COL11A2: variants seen among roughly 807,000 people sequenced by gnomAD.
The protein encoded by COL11A2 is collagen type XI alpha 2 chain, also known as collagen alpha-2(XI) chain.
Under a neutral mutation model 273.4 loss-of-function variants are expected in COL11A2, and 116 were observed. That is an observed-to-expected ratio of 0.42 (90% CI 0.36 to 0.49). COL11A2 has a LOEUF of 0.49. Among genes scored for constraint, COL11A2 ranks in the 20% least tolerant of loss-of-function variants. COL11A2 has a pLI of 0.00. For synonymous variants in COL11A2, 782 were observed against 864.2 expected, an observed-to-expected ratio of 0.90 and a Z score of 1.67; for missense variants, 1,866 against 2,309.0, an observed-to-expected ratio of 0.81 and a Z score of 3.93.
intron 9 of COL11A2, 22 bp downstream of exon 9, chr6:33,181,089 C>A: frequency 6.2e-7 from 1 of 1,614,150 alleles, no homozygotes; most frequent in Non-Finnish European, 8.5e-7. Flanking sequence ...ACTGCCTCAG[C>A]CCTGTGACCA....
rs1229474398 is a variant in COL11A2 at position 33,176,106 on chromosome 6, C to T, written c.2215-37G>A. ...AGAGGTGAGAGGGCACCACAGATGA[C>T]AGAGGGCTGGGGTTCTAATGGGAAT... On this transcript the variant is annotated intron_variant, in intron 28 of 65. Transcript: ENST00000341947. This position sits in a 1 kb window ranked among gnomAD's most constrained non-coding sequence, Gnocchi z 4.9. The T allele has an allele frequency of 6.2e-7, 1 of 1,612,600 alleles. No individual in the cohort carries two copies. Among genetic ancestry groups the T allele is most frequent in the African/African-American group, 1.3e-5 (1 of 74,850 alleles).
In COL11A2 at chr6:33,179,654, C is replaced by G; in HGVS notation, c.1446+65G>C. The G allele has an allele frequency of 1.9e-6, 3 of 1,583,300 alleles. No homozygotes were observed. Among genetic ancestry groups the G allele is most frequent in the Non-Finnish European group, 2.6e-6 (3 of 1,159,390 alleles). ...ACCCAGGCCTCCCCTGCCGCACACTCACTCCAGCCAACCCTTCCAGTGCCC... is the reference window on the plus strand; with the variant it reads ...ACCCAGGCCTCCCCTGCCGCACACTGACTCCAGCCAACCCTTCCAGTGCCC... On this transcript the variant is annotated intron_variant, in intron 13 of 65. Transcript: ENST00000341947. This position sits in a 1 kb window ranked among gnomAD's most constrained non-coding sequence, Gnocchi z 6.4.
At position 33,175,997 on chromosome 6, in the gene COL11A2, G is replaced by A. The variant is rs763300707; in HGVS notation, c.2268+19C>T. On this transcript the variant is annotated intron_variant, in intron 29 of 65. Coordinates refer to ENST00000341947, the MANE Select transcript of COL11A2 (RefSeq NM_080680.3). ...TCAGTAGAACACGGAATTGGGGCCA[G>A]TGTGGGGTCTCTACTCACCCTGTCA... The A allele has an allele frequency of 6.2e-7, 1 of 1,612,946 alleles. No individual in the cohort carries two copies. Among genetic ancestry groups the A allele is most frequent in the East Asian group, 2.2e-5 (1 of 44,878 alleles).
At position 33,169,077 on chromosome 6, in the gene COL11A2, G is replaced by T; in HGVS notation, c.3799-69C>A. 1 of 1,464,572 alleles carries T rather than the reference G, an allele frequency of 6.8e-7. No individual in the cohort carries two copies. Among genetic ancestry groups the T allele is most frequent in the East Asian group, 2.3e-5 (1 of 43,800 alleles). The allele number at this position is 1,464,572 out of a possible 1,614,324, so 90.7% of individuals were successfully genotyped here. ...GCCCACCCAGCACAGACGCCCACAG[G>T]CACACGCCACTGCCTCTCTAGAGGC... On this transcript the variant is annotated intron_variant, in intron 51 of 65. Transcript: ENST00000341947. The surrounding 1 kb of genome is among the most constrained non-coding windows in gnomAD (Gnocchi z 5.5).
chr6:33,171,656 C>T (rs1045920274), intron 42 of COL11A2, 57 bp downstream of exon 42: 6 of 1,596,954 alleles, frequency 3.8e-6, no homozygotes, highest in Non-Finnish European at 5.1e-6. Context: ...CATAGCCCAT[C>T]AACCCTAGGC....
intron 8 of COL11A2, among the ~76,000 whole-genome samples, chr6:33,182,449 C>T (rs570302715): frequency 3.0e-4 from 46 of 152,152 alleles, no homozygotes; most frequent in Admixed American, 6.5e-4. Flanking sequence ...CGGTGGCGCA[C>T]GCCTGTAATC....
In COL11A2 at chr6:33,186,735, C is replaced by A. The variant is rs1772467999; in HGVS notation, c.690G>T (p.Gly230=). The change falls in exon 5 of 66, where the codon GGG becomes GGT. Residue 230 remains glycine, a synonymous_variant. Transcript: ENST00000341947. The part of the protein sequence containing the change: ...SCEQKELECE[G]GQRERPQNQQ... Reference sequence around the variant, plus strand: ...GGTTTTGGGGTCTTTCCCTCTGGCCCCCCTCGCATTCCAGCTCCTTCTGTT... The same window carrying A: ...GGTTTTGGGGTCTTTCCCTCTGGCCACCCTCGCATTCCAGCTCCTTCTGTT... 4 of 1,614,070 alleles carry A rather than the reference C, an allele frequency of 2.5e-6. No individual in the cohort carries two copies. The highest frequency in any genetic ancestry group is 2.5e-6 in the Non-Finnish European group (3 of 1,180,020).
intron 8 of COL11A2, 125 bp from the exon 9 acceptor site, chr6:33,181,295 A>C (rs1771705243): frequency 1.1e-6 from 1 of 935,942 alleles, no homozygotes; most frequent in African/African-American, 1.6e-5. Context: ...CCTACCCGAA[A>C]GCCCCACAGC....
Position 33,173,291 on chromosome 6 carries a change from G to T in COL11A2, c.2736+57C>A. The T allele has an allele frequency of 4.4e-6, 7 of 1,600,674 alleles. No individual in the cohort carries two copies. Among genetic ancestry groups the T allele is most frequent in the Non-Finnish European group, 6.0e-6 (7 of 1,172,640 alleles). On this transcript the variant is annotated intron_variant, in intron 37 of 65. Coordinates refer to ENST00000341947, the MANE Select transcript of COL11A2 (RefSeq NM_080680.3). This position sits in a 1 kb window ranked among gnomAD's most constrained non-coding sequence, Gnocchi z 6.3. ...CCCTGTGGGCTTTCCAGACAGCTCTGGGGTTAAAGGGTCTGATGGAGCCCC... is the reference window on the plus strand; with the variant it reads ...CCCTGTGGGCTTTCCAGACAGCTCTTGGGTTAAAGGGTCTGATGGAGCCCC...
Position 33,172,347 on chromosome 6 carries a change from T to C in COL11A2, c.2930A>G (p.Lys977Arg). 1 of 1,589,438 alleles carries C rather than the reference T, an allele frequency of 6.3e-7. No homozygotes were observed. Among genetic ancestry groups the C allele is most frequent in the Non-Finnish European group, 8.6e-7 (1 of 1,168,796 alleles). ...TCCCCTCAGACCAGCAGGACCATCC[T>C]TCCCTGGGGCCCCAGGGGGACCAGG... ...GDPGPPGAPG[K>R]DGPAGLRGFP... Residue 977 changes from lysine to arginine, a missense_variant, in exon 40 of 66, where the codon AAG (lysine) becomes AGG (arginine). Transcript: ENST00000341947.
intron 5 of COL11A2, among the ~76,000 whole-genome samples, chr6:33,186,018 T>C (rs1434092116): frequency 2.0e-5 from 3 of 151,734 alleles, no homozygotes; most frequent in Non-Finnish European, 4.4e-5. Context: ...GATTAAGAGA[T>C]TGACCCTCTG....
rs1562338140 is a variant in COL11A2, at chr6:33,173,411, G to A, written c.2683-10C>T. On this transcript the variant is annotated splice_polypyrimidine_tract_variant and intron_variant, in intron 36 of 65. Coordinates refer to ENST00000341947, the MANE Select transcript of COL11A2 (RefSeq NM_080680.3). This position sits in a 1 kb window ranked among gnomAD's most constrained non-coding sequence, Gnocchi z 6.3. ...CCTTCCCAGGGGGGCCCTGGAAGGG[G>A]TTCAGTTGTCAGGTGAACTCTCAGC... 6.2e-7 allele frequency: 1 copy of A among 1,613,148 alleles called. No homozygotes were observed. Among genetic ancestry groups the A allele is most frequent in the Non-Finnish European group, 8.5e-7 (1 of 1,179,932 alleles).
At chr6:33,181,037 AC>A (rs1264444255) in intron 9 of COL11A2, 32 bp from the exon 10 acceptor site, 1 of 1,614,058 alleles carries the variant, frequency 6.2e-7, no homozygotes. Context: ...ATCAGAGGCG[AC>A]AGGACCAGCA....
chr6:33,169,790 T>TGATGGG lies in COL11A2; in HGVS notation c.3690+40_3690+41insCCCATC. Reference sequence around the variant, plus strand: ...AAAGTGGAGGCAGGGTTGAGGCGGGTGACGGGGACTGGGGAGTAAGGCCTT... The same window carrying TGATGGG: ...AAAGTGGAGGCAGGGTTGAGGCGGGTGATGGGGACGGGGACTGGGGAGTAAGGCCTT... On this transcript the variant is annotated intron_variant, in intron 50 of 65. Transcript: ENST00000341947. The surrounding 1 kb of genome is among the most constrained non-coding windows in gnomAD (Gnocchi z 5.5). 2 of 1,594,170 alleles carry TGATGGG rather than the reference T, an allele frequency of 1.3e-6. No homozygotes were observed. Among genetic ancestry groups the TGATGGG allele is most frequent in the Non-Finnish European group, 1.7e-6 (2 of 1,169,962 alleles).
In COL11A2 at chr6:33,186,682, G is replaced by A. The variant is rs758762435; in HGVS notation, c.743C>T (p.Pro248Leu). ...NQQPHRAQRS[P>L]QQQPSRLHRP... is the part of the protein sequence containing the mutation. Reference sequence around the variant, plus strand: ...GTGAAGTCTTGATGGTTGCTGCTGTGGAGATCTCTGGGCTCTGTGAGGCTG... The same window carrying A: ...GTGAAGTCTTGATGGTTGCTGCTGTAGAGATCTCTGGGCTCTGTGAGGCTG... Residue 248 changes from proline (P) to leucine (L), a missense_variant, in exon 5 of 66, where the codon CCA becomes CTA. Coordinates refer to ENST00000341947, the MANE Select transcript of COL11A2 (RefSeq NM_080680.3). 2.5e-6 allele frequency: 4 copies of A among 1,614,072 alleles called. No homozygotes were observed. Among genetic ancestry groups the A allele is most frequent in the Non-Finnish European group, 3.4e-6 (4 of 1,180,018 alleles).
At chr6:33,171,215 A>C (rs1770007263) in intron 44 of COL11A2, 48 bp from the exon 45 acceptor site, 1 of 1,613,386 alleles carries the variant, frequency 6.2e-7, no homozygotes. Flanking sequence ...GAGAGAGATC[A>C]GGTGGGACTG....
intron 7 of COL11A2, 60 bp downstream of exon 7, chr6:33,184,932 G>C (rs1772181796): frequency 7.2e-7 from 1 of 1,395,320 alleles, no homozygotes; most frequent in African/African-American, 1.4e-5. Flanking sequence ...ATGGGCTGAG[G>C]GGAGTGAGTC....
chr6:33,165,902 C>G lies in COL11A2; in HGVS notation c.4482+29G>C. Reference sequence around the variant, plus strand: ...CAGCAGTGGAGCAGAGGGGTACGGCCCTGGGAGCAGCCCTGACTCCTCACT... The same window carrying G: ...CAGCAGTGGAGCAGAGGGGTACGGCGCTGGGAGCAGCCCTGACTCCTCACT... On this transcript the variant is annotated intron_variant, in intron 62 of 65. Coordinates refer to ENST00000341947, the MANE Select transcript of COL11A2 (RefSeq NM_080680.3). The surrounding 1 kb of genome is among the most constrained non-coding windows in gnomAD (Gnocchi z 7.7). The G allele has an allele frequency of 6.2e-7, 1 of 1,613,618 alleles. No homozygotes were observed. Among genetic ancestry groups the G allele is most frequent in the African/African-American group, 1.3e-5 (1 of 74,932 alleles).
chr6:33,178,885 G>A lies in COL11A2; in HGVS notation c.1665+35C>T. The A allele has an allele frequency of 6.2e-7, 1 of 1,612,936 alleles. No homozygotes were observed. Among genetic ancestry groups the A allele is most frequent in the Middle Eastern group, 1.7e-4 (1 of 6,034 alleles). On this transcript the variant is annotated intron_variant, in intron 17 of 65. Coordinates refer to ENST00000341947, the MANE Select transcript of COL11A2 (RefSeq NM_080680.3). This position sits in a 1 kb window ranked among gnomAD's most constrained non-coding sequence, Gnocchi z 4.6. Reference sequence around the variant, plus strand: ...CAACTGAGCCCAGCGTGGGCTGAAGGCTACAGGCTTCAGGGAGGGGCCCAA... The same window carrying A: ...CAACTGAGCCCAGCGTGGGCTGAAGACTACAGGCTTCAGGGAGGGGCCCAA...
Sources: gnomAD v4.1 joint callset for allele counts (sites outside exome capture counted in the v4.1 genomes callset) on GRCh38, gnomAD v4.1.1 for gene constraint, Gnocchi (gnomAD v3.1) non-coding constraint, MANE v1.5 for transcripts, NCBI Gene and HGNC (gene_info 2026-07-23, HGNC 2026-07-21) for gene names.